The following DUSP22 variants were observed in gnomAD, a reference collection of about 807,000 sequenced individuals.
DUSP22 encodes the protein dual specificity protein phosphatase 22.
A neutral mutation model predicts 24.5 loss-of-function variants in DUSP22; 24 were observed. That is an observed-to-expected ratio of 0.98 (90% CI 0.71 to 1.38). DUSP22 has a LOEUF of 1.38. Ranked by LOEUF, DUSP22 falls within the 40% of genes most tolerant of loss-of-function variation. The pLI is 0.00. For synonymous variants in DUSP22, 160 were observed against 106.4 expected (o/e 1.50, Z -3.10); for missense variants, 330 against 269.2 (o/e 1.23, Z -1.58).
intron 3 of DUSP22, among the ~76,000 whole-genome samples, chr6:313,522 A>G (rs1581158700): frequency 6.6e-6 from 1 of 152,422 alleles, no homozygotes; most frequent in East Asian, 1.9e-4. Flanking sequence ...ACAACACACT[A>G]CACATTCTTT....
Position 350,363 on chromosome 6 carries a change from C to T in DUSP22, c.*1412C>T, listed in dbSNP as rs1272157239. On this transcript the variant is annotated 3_prime_UTR_variant, in exon 7 of 7. Coordinates refer to ENST00000419235, the MANE Select transcript of DUSP22 (RefSeq NM_001286555.3). ...TCAGTGGTCTAGTCCTTTATACCGA[C>T]TCAGATTCCTTAAGCATGCAGAGTC... 4.7e-6 allele frequency: 5 copies of T among 1,063,010 alleles called. No homozygotes were observed. Among genetic ancestry groups the T allele is most frequent in the East Asian group, 1.7e-4 (2 of 11,944 alleles). 65.8% of individuals were successfully genotyped at this position (1,063,010 alleles called of 1,614,324 possible).
chr6:311,937 A>G lies in DUSP22; in HGVS notation c.113A>G (p.His38Arg), dbSNP rs747637554. 3.1e-6 allele frequency: 5 copies of G among 1,612,744 alleles called. No individual in the cohort carries two copies. In the East Asian group the frequency reaches 6.7e-5, roughly 22 times the overall value. Residue 38 changes from histidine (H) to arginine (R), a missense_variant, in exon 3 of 7, where the codon CAC becomes CGC. Transcript: ENST00000419235. ...KNKVTHILSV[H>R]DSARPMLEGV... ...AAGGTGACACATATTCTGTCTGTCC[A>G]CGATAGTGCCAGGCCTATGTTGGAG...
chr6:304,091 A>AG (rs1757705859), intron 1 of DUSP22, among the ~76,000 whole-genome samples: 1 of 152,300 alleles, frequency 6.6e-6, no homozygotes, highest in African/African-American at 2.4e-5. Context: ...TTGCTGCCCA[A>AG]GGAGTTTTCC....
At chr6:313,020 T>C (rs533823196) in intron 3 of DUSP22, among the ~76,000 whole-genome samples, 37 of 152,368 alleles carry the variant, frequency 2.4e-4, no homozygotes, top group Non-Finnish European at 4.7e-4. Context: ...CATGATTTTA[T>C]TGGAAATAAC....
At chr6:336,361 T>C (rs1561674727) in intron 4 of DUSP22, among the ~76,000 whole-genome samples, 1 of 152,304 alleles carries the variant, frequency 6.6e-6, no homozygotes, top group Admixed American at 6.5e-5. Context: ...TCCCCTTTTA[T>C]GCCCCAAGCA....
chr6:348,758 A>T lies in DUSP22; in HGVS notation c.436-11A>T. Reference sequence around the variant, plus strand: ...TGTGTGACGTTTCGGGTTTGTTTCCATCCTCTCCAGTATCGGCAGTGGCTG... The same window carrying T: ...TGTGTGACGTTTCGGGTTTGTTTCCTTCCTCTCCAGTATCGGCAGTGGCTG... On this transcript the variant is annotated splice_polypyrimidine_tract_variant and intron_variant, in intron 6 of 6. Transcript: ENST00000419235. 6.2e-7 allele frequency: 1 copy of T among 1,614,234 alleles called. No individual in the cohort carries two copies. Among genetic ancestry groups the T allele is most frequent in the Non-Finnish European group, 8.5e-7 (1 of 1,180,012 alleles).
chr6:313,566 A>C lies in DUSP22; in HGVS notation c.138+1604A>C, dbSNP rs149103691. Among the ~76,000 whole-genome samples, 6 of 152,426 alleles carry C rather than the reference A, an allele frequency of 3.9e-5. No homozygotes were observed. In the East Asian group the frequency reaches 1.2e-3, roughly 29 times the overall value. The stretch of plus-strand genomic sequence containing the variant: ...TGTGTAGCTCAGTCTGTAAGGACAA[A>C]TTCTGCCTTTAAAAAAAGAGAGAGA... On this transcript the variant is annotated intron_variant, in intron 3 of 6. Coordinates refer to ENST00000419235, the MANE Select transcript of DUSP22 (RefSeq NM_001286555.3).
At chr6:331,626 G>A (rs1421981995) in intron 3 of DUSP22, among the ~76,000 whole-genome samples, 1 of 152,300 alleles carries the variant, frequency 6.6e-6, no homozygotes, top group Admixed American at 6.5e-5. Flanking sequence ...CTTTTAAGTG[G>A]GCCAGCTTTC....
chr6:325,511 T>C, intron 3 of DUSP22: 1 of 166,552 alleles, frequency 6.0e-6, no homozygotes. Context: ...TGGAGAGTCA[T>C]CTGCCCTGGG....
chr6:296,924 G>A (rs1384640261), intron 1 of DUSP22, among the ~76,000 whole-genome samples: 2 of 152,298 alleles, frequency 1.3e-5, no homozygotes, highest in African/African-American at 2.4e-5. Context: ...CTTCCTCCCT[G>A]CTGTGTGTCC....
intron 2 of DUSP22, among the ~76,000 whole-genome samples, chr6:305,155 A>T (rs921181424): frequency 6.6e-6 from 1 of 152,308 alleles, no homozygotes; most frequent in Non-Finnish European, 1.5e-5. Context: ...TCAGCTTTAG[A>T]CTTCTCATGG....
Position 349,363 on chromosome 6 carries a change from G to T in DUSP22, c.*412G>T. On this transcript the variant is annotated 3_prime_UTR_variant, in exon 7 of 7. Transcript: ENST00000419235. The stretch of plus-strand genomic sequence containing the variant: ...GTGTGTGTGTGAACTCTTTCTTACT[G>T]CTGGAAGTCACAGAATTCATATTGC... The T allele has an allele frequency of 1.9e-6, 2 of 1,034,898 alleles. No individual in the cohort carries two copies. Among genetic ancestry groups the T allele is most frequent in the Non-Finnish European group, 2.3e-6 (2 of 861,172 alleles). 64.1% of individuals were successfully genotyped at this position (1,034,898 alleles called of 1,614,324 possible).
chr6:304,488 C>G lies in DUSP22; in HGVS notation c.22-140C>G, dbSNP rs1043101043. On this transcript the variant is annotated intron_variant, in intron 1 of 6. Transcript: ENST00000419235. ...ACAGGCCGCTGGGGATGTTGGGTCA[C>G]CCGCGTGTCTGTCAGGGAGGTGCTG... is the stretch of plus-strand genomic sequence containing the variant. The G allele has an allele frequency of 2.3e-6, 3 of 1,281,854 alleles. No individual in the cohort carries two copies. The Admixed American group carries it at 5.1e-5, about 22-fold the overall frequency. The allele number at this position is 1,281,854 out of a possible 1,614,324, so 79.4% of individuals were successfully genotyped here.
At position 349,552 on chromosome 6, in the gene DUSP22, C is replaced by G; in HGVS notation, c.*601C>G. 1 of 989,974 alleles carries G rather than the reference C, an allele frequency of 1.0e-6. No individual in the cohort carries two copies. The highest frequency in any genetic ancestry group is 1.2e-6 in the Non-Finnish European group (1 of 833,270). The allele number at this position is 989,974 out of a possible 1,614,324, so 61.3% of individuals were successfully genotyped here. A position where few individuals can be genotyped will look rare whatever the true frequency, so the allele number is the denominator to read the frequency against. ...CTAAGAGCATGGCCTCTCCCAGAACCCACCCAGGGTGGTGTGGTGGGGGCA... is the reference window on the plus strand; with the variant it reads ...CTAAGAGCATGGCCTCTCCCAGAACGCACCCAGGGTGGTGTGGTGGGGGCA... On this transcript the variant is annotated 3_prime_UTR_variant, in exon 7 of 7. Coordinates refer to ENST00000419235, the MANE Select transcript of DUSP22 (RefSeq NM_001286555.3).
At chr6:313,904 C>A (rs1450593582) in intron 3 of DUSP22, among the ~76,000 whole-genome samples, 1 of 152,306 alleles carries the variant, frequency 6.6e-6, no homozygotes, top group African/African-American at 2.4e-5. Flanking sequence ...AAGTTATAGT[C>A]TCAGAAGTTC....
At chr6:295,396 C>T (rs1037562744) in intron 1 of DUSP22, among the ~76,000 whole-genome samples, 3 of 152,274 alleles carry the variant, frequency 2.0e-5, no homozygotes, top group Non-Finnish European at 4.4e-5. Flanking sequence ...GAATATTGTG[C>T]CCGTTTCCGT....
intron 2 of DUSP22, among the ~76,000 whole-genome samples, chr6:306,591 G>A (rs575263425): frequency 2.9e-4 from 44 of 152,398 alleles, no homozygotes; most frequent in Admixed American, 9.1e-4. Flanking sequence ...TTATTCACTC[G>A]TTAGCCAAAT....
intron 2 of DUSP22, 61 bp from the exon 3 acceptor site, chr6:311,819 A>G (rs1758115466): frequency 1.3e-6 from 2 of 1,506,930 alleles, no homozygotes; most frequent in African/African-American, 1.4e-5. Flanking sequence ...TTCTGGCTAG[A>G]CTTTAGGAGT....
chr6:335,312 C>A, intron 4 of DUSP22, 149 bp downstream of exon 4: 1 of 1,035,470 alleles, frequency 9.7e-7, no homozygotes, highest in South Asian at 1.4e-5. Flanking sequence ...CCTACAGAGG[C>A]CAACGCTAGG....
Sources: gnomAD v4.1 joint callset for allele counts (sites outside exome capture counted in the v4.1 genomes callset) on GRCh38, gnomAD v4.1.1 for gene constraint, MANE v1.5 for transcripts, NCBI Gene and HGNC (gene_info 2026-07-23, HGNC 2026-07-21) for gene names.